The following RASSF6 variants were observed in gnomAD, a reference collection of about 807,000 sequenced individuals.
The protein encoded by RASSF6 is ras association domain-containing protein 6.
In RASSF6, 52 loss-of-function variants were observed where a neutral mutation model predicts 44.0. The observed-to-expected ratio is 1.18, with a 90% CI of 0.95 to 1.49. The LOEUF (loss-of-function observed/expected upper bound fraction) is 1.49. RASSF6 is among the 40% of genes most tolerant of loss of function. The pLI is 0.00. For synonymous variants in RASSF6, 162 were observed against 124.6 expected (o/e 1.30, Z -2.00); for missense variants, 464 against 393.3 (o/e 1.18, Z -1.52).
At chr4:73,608,522 C>A (rs1725802698) in intron 2 of RASSF6, among the ~76,000 whole-genome samples, 1 of 152,144 alleles carries the variant, frequency 6.6e-6, no homozygotes, top group South Asian at 2.1e-4. Flanking sequence ...AATTTCTTTT[C>A]ATTTCACTGG....
chr4:73,595,704 A>G (rs1724891654), intron 3 of RASSF6, among the ~76,000 whole-genome samples: 1 of 136,818 alleles, frequency 7.3e-6, no homozygotes, highest in Admixed American at 8.0e-5. Flanking sequence ...TATTTTTATA[A>G]TTGTATATAT....
chr4:73,603,199 G>A (rs748038875), intron 2 of RASSF6, among the ~76,000 whole-genome samples: 2 of 152,202 alleles, frequency 1.3e-5, no homozygotes, highest in Non-Finnish European at 1.5e-5. Context: ...TTTTTGGAAC[G>A]TGAAACACTG....
chr4:73,594,597 A>T (rs928986290), intron 3 of RASSF6, among the ~76,000 whole-genome samples: 3 of 152,128 alleles, frequency 2.0e-5, no homozygotes, highest in African/African-American at 7.2e-5. Context: ...GGTGCTCTAT[A>T]TTACTGTTTA....
At chr4:73,583,910 T>A (rs1723868601) in intron 6 of RASSF6, among the ~76,000 whole-genome samples, 1 of 152,102 alleles carries the variant, frequency 6.6e-6, no homozygotes, top group African/African-American at 2.4e-5. Flanking sequence ...TTAACCACCA[T>A]TCCGTGCTGC....
intron 1 of RASSF6, among the ~76,000 whole-genome samples, chr4:73,617,987 A>T (rs1448136301): frequency 1.3e-5 from 2 of 152,168 alleles, no homozygotes; most frequent in Admixed American, 1.3e-4. Flanking sequence ...GACTGTCAGC[A>T]TTGGGTTTCT....
chr4:73,582,580 TAAGA>T (rs1723749350), intron 6 of RASSF6, among the ~76,000 whole-genome samples: 1 of 152,076 alleles, frequency 6.6e-6, no homozygotes, highest in Non-Finnish European at 1.5e-5. Context: ...TCAAAATAAG[TAAGA>T]AAGAATGTCA....
intron 1 of RASSF6, among the ~76,000 whole-genome samples, 193 bp from the exon 2 acceptor site, chr4:73,612,022 C>G (rs1441292037): frequency 6.6e-6 from 1 of 152,046 alleles, no homozygotes; most frequent in Non-Finnish European, 1.5e-5. Flanking sequence ...AACAGTAACT[C>G]CAGACACGGA....
chr4:73,592,819 A>G (rs1052772270), intron 4 of RASSF6, among the ~76,000 whole-genome samples: 1 of 152,112 alleles, frequency 6.6e-6, no homozygotes, highest in Non-Finnish European at 1.5e-5. Context: ...TTCTGACTTT[A>G]CATTTTGCCT....
chr4:73,598,404 G>A (rs1215769018), intron 3 of RASSF6, among the ~76,000 whole-genome samples: 2 of 152,142 alleles, frequency 1.3e-5, no homozygotes, highest in Non-Finnish European at 2.9e-5. Context: ...CAGTGTAAAT[G>A]CTGTTAAAAT....
intron 4 of RASSF6, among the ~76,000 whole-genome samples, chr4:73,590,940 G>A (rs1016791674): frequency 2.0e-5 from 3 of 152,200 alleles, no homozygotes; most frequent in African/African-American, 7.2e-5. Flanking sequence ...TATAGCAGGT[G>A]TATCATGAGG....
Position 73,575,270 on chromosome 4 carries a change from TTTATAC to T in RASSF6, c.*959_*964del, listed in dbSNP as rs1240982051. The T allele has an allele frequency of 5.9e-5, 9 of 152,158 alleles. No individual in the cohort carries two copies. The highest frequency in any genetic ancestry group is 5.9e-4 in the Admixed American group (9 of 15,270). 9.4% of individuals were successfully genotyped at this position (152,158 alleles called of 1,614,324 possible). On this transcript the variant is annotated 3_prime_UTR_variant, in exon 11 of 11. Coordinates refer to ENST00000307439, the MANE Select transcript of RASSF6 (RefSeq NM_177532.5). Reference sequence around the variant, plus strand: ...ACAGAATTTATAAATAAAATCATAGTTTATACTTATAGCATTTCTTCATTTTTAGTG... The same window carrying T: ...ACAGAATTTATAAATAAAATCATAGTTTATAGCATTTCTTCATTTTTAGTG...
At chr4:73,610,652 T>C (rs1725945474) in intron 2 of RASSF6, among the ~76,000 whole-genome samples, 1 of 152,192 alleles carries the variant, frequency 6.6e-6, no homozygotes, top group African/African-American at 2.4e-5. Context: ...CATGGCTTGC[T>C]TTCTCCCTTT....
At chr4:73,620,527 C>A, upstream of RASSF6, 2 of 1,476,336 alleles carry the variant, frequency 1.4e-6, no homozygotes, top group Non-Finnish European at 1.8e-6. Context: ...TGCAGTGCCC[C>A]CGACGCGATC....
chr4:73,617,060 AC>A (rs1282253190), intron 1 of RASSF6, among the ~76,000 whole-genome samples: 1 of 152,192 alleles, frequency 6.6e-6, no homozygotes, highest in African/African-American at 2.4e-5. Context: ...ATTTGCAGAG[AC>A]AGTAAAGGTC....
rs1472456482 is a variant in RASSF6, at chr4:73,575,678, C to T, written c.*557G>A. ...TTTCTTAACAGAGTCCATAATTTTT[C>T]CTTTCCAAAGGCCAGACAGCTCTGA... is the stretch of plus-strand genomic sequence containing the variant. On this transcript the variant is annotated 3_prime_UTR_variant, in exon 11 of 11. Transcript: ENST00000307439. 3 of 152,022 alleles carry T rather than the reference C, an allele frequency of 2.0e-5. No individual in the cohort carries two copies. Among genetic ancestry groups the T allele is most frequent in the Admixed American group, 6.6e-5 (1 of 15,244 alleles). The allele number at this position is 152,022 out of a possible 1,614,324, so 9.4% of individuals were successfully genotyped here.
At chr4:73,605,592 G>A (rs1010002943) in intron 2 of RASSF6, among the ~76,000 whole-genome samples, 5 of 152,166 alleles carry the variant, frequency 3.3e-5, no homozygotes, top group African/African-American at 7.2e-5. Flanking sequence ...TAGGTTATTC[G>A]CATTTCCTTT....
intron 3 of RASSF6, among the ~76,000 whole-genome samples, chr4:73,595,702 T>C (rs1280649304): frequency 7.3e-6 from 1 of 136,826 alleles, no homozygotes; most frequent in Non-Finnish European, 1.6e-5. Flanking sequence ...TATATTTTTA[T>C]AATTGTATAT....
At chr4:73,578,552 C>T (rs373408335) in intron 8 of RASSF6, among the ~76,000 whole-genome samples, 2 of 152,120 alleles carry the variant, frequency 1.3e-5, no homozygotes, top group South Asian at 2.1e-4. Flanking sequence ...TTGAGTGTCC[C>T]CCTCACACAA....
At position 73,576,141 on chromosome 4, in the gene RASSF6, T is replaced by C. The variant is rs1454998772; in HGVS notation, c.*94A>G. The C allele has an allele frequency of 5.4e-5, 36 of 663,292 alleles. No individual in the cohort carries two copies. Among genetic ancestry groups the C allele is most frequent in the Non-Finnish European group, 8.4e-5 (33 of 394,548 alleles). 41.1% of individuals were successfully genotyped at this position (663,292 alleles called of 1,614,324 possible). On this transcript the variant is annotated 3_prime_UTR_variant, in exon 11 of 11. Transcript: ENST00000307439. ...TTTTCTACGATTCAAGTCTCATATA[T>C]GTTCGTATAAATGCAAGTACAGAAC...
Sources: gnomAD v4.1 joint callset for allele counts (sites outside exome capture counted in the v4.1 genomes callset) on GRCh38, gnomAD v4.1.1 for gene constraint, MANE v1.5 for transcripts, NCBI Gene and HGNC (gene_info 2026-07-23, HGNC 2026-07-21) for gene names.